The following RAF1 variants were observed in gnomAD, a reference collection of about 807,000 sequenced individuals.
RAF1 encodes the protein Raf-1 proto-oncogene, serine/threonine kinase, also known as RAF proto-oncogene serine/threonine-protein kinase.
Under a neutral mutation model 81.1 loss-of-function variants are expected in RAF1, and 27 were observed. The observed-to-expected ratio is 0.33, with a 90% CI of 0.25 to 0.46. The LOEUF (loss-of-function observed/expected upper bound fraction) is 0.46. Ranked by LOEUF, RAF1 falls within the 20% of genes least tolerant of loss-of-function variation. The pLI is 1.00. For missense variants in RAF1, 598 were observed against 826.0 expected, an observed-to-expected ratio of 0.72 and a Z score of 3.38; for synonymous variants, 298 against 294.0, an observed-to-expected ratio of 1.01 and a Z score of -0.14.
chr3:12,587,962 C>CTTTTTTTTTTTT (rs33981119), intron 13 of RAF1: 1 of 62,536 alleles, frequency 1.6e-5, no homozygotes, highest in African/African-American at 7.5e-5. Flanking sequence ...ACCATGCCGC[C>CTTTTTTTTTTTT]TTTTTTTTTT....
chr3:12,599,639 T>C, intron 11 of RAF1, 52 bp downstream of exon 10: 1 of 1,456,676 alleles, frequency 6.9e-7, no homozygotes, highest in Admixed American at 1.7e-5. Flanking sequence ...GGGCTGAAAC[T>C]TGACTTCACA....
intron 1 of RAF1, among the ~76,000 whole-genome samples, chr3:12,633,934 C>CAA (rs35322613): frequency 0.077 from 7,369 of 95,374 alleles, 270 homozygotes; most frequent in Middle Eastern, 0.11. Context: ...AAAACTCTCT[C>CAA]AAAAAAAAAA....
chr3:12,587,532 C>T (rs1007848158), intron 14 of RAF1, 59 bp downstream of exon 13: 1 of 1,478,276 alleles, frequency 6.8e-7, no homozygotes, highest in Non-Finnish European at 9.5e-7. Flanking sequence ...GAAAGCCTCC[C>T]TTCTGTTTCC....
chr3:12,605,259 TG>T (rs1365702549), intron 6 of RAF1, among the ~76,000 whole-genome samples: 1 of 151,642 alleles, frequency 6.6e-6, no homozygotes, highest in East Asian at 1.9e-4. Flanking sequence ...TATGTGTGTG[TG>T]TGTGTGTGTG....
In RAF1 at chr3:12,584,961, T is replaced by G; in HGVS notation, c.1749A>C (p.Arg583=). The change falls in exon 17 of 18, where the codon CGA becomes CGC. Residue 583 remains arginine, a synonymous_variant. Coordinates refer to ENST00000442415, the MANE Select transcript of RAF1 (RefSeq NM_001354689.3). ...TACTAAGATCTGGGGAGGCATATCC[T>G]CGGCCCACCATGAAGATGATCTAAG... is the stretch of plus-strand genomic sequence containing the variant. 1.2e-6 allele frequency: 2 copies of G among 1,614,116 alleles called. No homozygotes were observed. Among genetic ancestry groups the G allele is most frequent in the Non-Finnish European group, 1.7e-6 (2 of 1,180,024 alleles).
At chr3:12,598,371 G>T (rs2058747350) in intron 11 of RAF1, among the ~76,000 whole-genome samples, 1 of 152,130 alleles carries the variant, frequency 6.6e-6, no homozygotes, top group East Asian at 1.9e-4. Flanking sequence ...GTTCAGTCGG[G>T]TGCCAATCCT....
In RAF1 at chr3:12,604,537, A is replaced by G. The variant is rs5746209; in HGVS notation, c.681-248T>C. 5.3e-3 allele frequency among the ~76,000 whole-genome samples: 804 copies of G among 152,340 alleles called. 9 individuals are homozygous for G. The highest frequency in any genetic ancestry group is 0.018 in the African/African-American group (748 of 41,576). ...AATTCAATGAAAAGGAGAGTGCATTATAAGTTTTCTTTTTTTAAATAAAGC... is the reference window on the plus strand; with the variant it reads ...AATTCAATGAAAAGGAGAGTGCATTGTAAGTTTTCTTTTTTTAAATAAAGC... On this transcript the variant is annotated intron_variant, in intron 6 of 17. Transcript: ENST00000442415.
chr3:12,608,985 C>T (rs2059125566), intron 4 of RAF1, 62 bp from the exon 5 acceptor site: 9 of 1,585,688 alleles, frequency 5.7e-6, no homozygotes, highest in Non-Finnish European at 7.8e-6. Flanking sequence ...AAGACAACTT[C>T]ATTTCTTGGC....
At chr3:12,639,723 G>C (rs1283539352) in intron 1 of RAF1, among the ~76,000 whole-genome samples, 8 of 151,922 alleles carry the variant, frequency 5.3e-5, no homozygotes, top group African/African-American at 1.9e-4. Flanking sequence ...AAATAAAAGA[G>C]GACACAAATG....
chr3:12,596,565 T>C (rs999923204), intron 11 of RAF1, among the ~76,000 whole-genome samples: 11 of 152,166 alleles, frequency 7.2e-5, no homozygotes, highest in African/African-American at 2.4e-4. Context: ...TAAATAAATA[T>C]GTTGAGTTTT....
intron 1 of RAF1, among the ~76,000 whole-genome samples, chr3:12,649,059 A>G (rs560358482): frequency 2.0e-5 from 3 of 152,254 alleles, no homozygotes; most frequent in Non-Finnish European, 1.5e-5. Context: ...GGTTGCAGTG[A>G]GCCAAGATCA....
intron 1 of RAF1, among the ~76,000 whole-genome samples, chr3:12,630,921 A>T (rs906057945): frequency 3.3e-5 from 5 of 152,142 alleles, no homozygotes; most frequent in Non-Finnish European, 5.9e-5. Context: ...CTCCCACCTC[A>T]GCCTCCTGAG....
intron 1 of RAF1, among the ~76,000 whole-genome samples, chr3:12,628,787 T>C (rs2059785504): frequency 6.7e-6 from 1 of 148,202 alleles, no homozygotes; most frequent in South Asian, 2.2e-4. Context: ...GGTCTCACTC[T>C]GTTGGCCAGG....
chr3:12,590,338 T>C (rs77214477), intron 13 of RAF1: 2 of 94,442 alleles, frequency 2.1e-5, no homozygotes, highest in Non-Finnish European at 2.0e-5. Flanking sequence ...TTTTTTTTTT[T>C]TTGAGACAGA....
At chr3:12,648,833 G>A (rs992401630) in intron 1 of RAF1, among the ~76,000 whole-genome samples, 2 of 152,084 alleles carry the variant, frequency 1.3e-5, no homozygotes, top group Admixed American at 1.3e-4. Flanking sequence ...AATTCCCATC[G>A]GCCGGATGCG....
At chr3:12,651,596 G>T (rs535463526) in intron 1 of RAF1, among the ~76,000 whole-genome samples, 1 of 150,320 alleles carries the variant, frequency 6.7e-6, no homozygotes, top group East Asian at 2.0e-4. Context: ...ATCGGTTGCC[G>T]TGAGCCGAGA....
chr3:12,624,842 C>A (rs573528039), intron 1 of RAF1, among the ~76,000 whole-genome samples: 1 of 145,490 alleles, frequency 6.9e-6, no homozygotes, highest in Non-Finnish European at 1.5e-5. Context: ...GCCGAGATTG[C>A]GCCACTGCAC....
chr3:12,643,606 G>T (rs1428585011), intron 1 of RAF1, among the ~76,000 whole-genome samples: 1 of 151,860 alleles, frequency 6.6e-6, no homozygotes, highest in African/African-American at 2.4e-5. Context: ...CGTGGTGGCA[G>T]GCGCCTGTAA....
chr3:12,654,676 A>ATTTT (rs529409290), intron 1 of RAF1, among the ~76,000 whole-genome samples: 2 of 124,384 alleles, frequency 1.6e-5, no homozygotes, highest in African/African-American at 5.5e-5. Context: ...AACTTTATTC[A>ATTTT]TTTTTTTTTT....
Sources: allele counts gnomAD v4.1 joint callset (sites outside exome capture counted in the v4.1 genomes callset), GRCh38; gene constraint gnomAD v4.1.1; transcripts MANE v1.5; gene names NCBI Gene and HGNC (gene_info 2026-07-23, HGNC 2026-07-21).